The following TAS2R1 variants were observed in gnomAD, a reference collection of about 807,000 sequenced individuals.
TAS2R1 encodes taste 2 receptor member 1, also known as taste receptor type 2 member 1.
For missense variants in TAS2R1, 370 were observed against 353.4 expected, an observed-to-expected ratio of 1.05 and a Z score of -0.38; for synonymous variants, 141 against 134.2, an observed-to-expected ratio of 1.05 and a Z score of -0.35.
In TAS2R1 at chr5:9,654,682, A is replaced by G. The variant is rs529262807; in HGVS notation, c.-81+4739T>C. ...GACAGTATTATATGAACAAGTGGTT[A>G]AGCCACTAGAGAAAGATAAAGTTAG... On this transcript the variant is annotated intron_variant, in intron 2 of 2. Coordinates refer to the TAS2R1 transcript ENST00000506620. 5.3e-5 allele frequency among the ~76,000 whole-genome samples: 8 copies of G among 152,366 alleles called. No individual in the cohort carries two copies. In the East Asian group the frequency reaches 1.5e-3, roughly 29 times the overall value.
the TAS2R1 span, among the ~76,000 whole-genome samples, chr5:9,861,083 T>C: frequency 6.7e-6 from 1 of 148,732 alleles, no homozygotes; most frequent in Non-Finnish European, 1.5e-5. Flanking sequence ...AATAGTGTTT[T>C]AAAAACTTTT....
the TAS2R1 span, among the ~76,000 whole-genome samples, chr5:9,804,212 A>G: frequency 2.6e-5 from 4 of 152,024 alleles, no homozygotes; most frequent in Non-Finnish European, 5.9e-5. Flanking sequence ...ATATATATGC[A>G]CCTAACACTG....
intron 1 of TAS2R1, among the ~76,000 whole-genome samples, chr5:9,711,262 T>G (rs1157740321): frequency 1.3e-5 from 2 of 152,242 alleles, no homozygotes; most frequent in Admixed American, 1.3e-4. Context: ...TGGAAACAAC[T>G]GAAATGTCCA....
At chr5:9,767,445 C>CT in the TAS2R1 span, among the ~76,000 whole-genome samples, 488 of 152,232 alleles carry the variant, frequency 3.2e-3, 4 homozygotes, top group African/African-American at 0.011. Context: ...TGAGTCAAAT[C>CT]TATGTGGCTC....
the TAS2R1 span, among the ~76,000 whole-genome samples, chr5:9,895,996 T>A: frequency 6.6e-6 from 1 of 152,042 alleles, no homozygotes; most frequent in Non-Finnish European, 1.5e-5. Flanking sequence ...CCTCTAAAAT[T>A]TCTATGATGA....
the TAS2R1 span, among the ~76,000 whole-genome samples, chr5:9,897,678 G>A: frequency 4.6e-5 from 7 of 152,072 alleles, no homozygotes; most frequent in African/African-American, 1.7e-4. Flanking sequence ...CCCATTCTTG[G>A]GAGGGTTCTT....
At chr5:9,796,854 A>G in the TAS2R1 span, among the ~76,000 whole-genome samples, 1 of 152,162 alleles carries the variant, frequency 6.6e-6, no homozygotes, top group Non-Finnish European at 1.5e-5. Context: ...TTAAATTAAA[A>G]AGCCCTACTT....
At chr5:9,889,221 C>A in the TAS2R1 span, among the ~76,000 whole-genome samples, 1 of 152,288 alleles carries the variant, frequency 6.6e-6, no homozygotes. Context: ...TTCCTTTACT[C>A]TGAGTGCCCC....
chr5:9,860,100 A>G, the TAS2R1 span, among the ~76,000 whole-genome samples: 134 of 152,328 alleles, frequency 8.8e-4, 2 homozygotes, highest in East Asian at 2.7e-3. Context: ...TAAGGGGAAG[A>G]AGGAGGGGAA....
intron 1 of TAS2R1, among the ~76,000 whole-genome samples, chr5:9,683,464 G>C (rs878963237): frequency 6.6e-6 from 1 of 152,126 alleles, no homozygotes; most frequent in Non-Finnish European, 1.5e-5. Flanking sequence ...CAGAGTCCTC[G>C]AGGCCAGTGG....
At chr5:9,899,188 A>C in the TAS2R1 span, among the ~76,000 whole-genome samples, 1 of 152,202 alleles carries the variant, frequency 6.6e-6, no homozygotes, top group Non-Finnish European at 1.5e-5. Flanking sequence ...TGGAGTCGGC[A>C]CTCAGGATGT....
the TAS2R1 span, among the ~76,000 whole-genome samples, chr5:9,790,573 G>A: frequency 1.3e-5 from 2 of 152,228 alleles, no homozygotes; most frequent in Admixed American, 6.5e-5. Context: ...AAAAAGTATC[G>A]TACAATTAAA....
chr5:9,900,729 T>A, the TAS2R1 span, among the ~76,000 whole-genome samples: 1 of 150,654 alleles, frequency 6.6e-6, no homozygotes, highest in Non-Finnish European at 1.5e-5. Context: ...CATGCCATTC[T>A]CCTGCCTCAG....
At chr5:9,696,890 G>C (rs928312542) in intron 1 of TAS2R1, among the ~76,000 whole-genome samples, 2 of 152,280 alleles carry the variant, frequency 1.3e-5, no homozygotes, top group African/African-American at 4.8e-5. Flanking sequence ...GCACATGCCT[G>C]TAATCCCAGC....
the TAS2R1 span, among the ~76,000 whole-genome samples, chr5:9,845,441 G>C: frequency 1.3e-5 from 2 of 152,204 alleles, no homozygotes; most frequent in African/African-American, 4.8e-5. Context: ...TGTTGCAAGT[G>C]AAAGTAGTTT....
At chr5:9,837,762 A>G in the TAS2R1 span, among the ~76,000 whole-genome samples, 3 of 152,360 alleles carry the variant, frequency 2.0e-5, no homozygotes, top group East Asian at 3.9e-4. Context: ...TGAACAAAAC[A>G]AAAACCCCTG....
At chr5:9,773,797 G>A in the TAS2R1 span, among the ~76,000 whole-genome samples, 1 of 152,124 alleles carries the variant, frequency 6.6e-6, no homozygotes, top group African/African-American at 2.4e-5. Context: ...AAATGTATTA[G>A]AGCTGTATTA....
At chr5:9,889,026 C>A in the TAS2R1 span, among the ~76,000 whole-genome samples, 1 of 152,222 alleles carries the variant, frequency 6.6e-6, no homozygotes. Flanking sequence ...AGTTTGCACT[C>A]CCAGTAATGG....
At chr5:9,899,561 C>T in the TAS2R1 span, among the ~76,000 whole-genome samples, 3 of 151,026 alleles carry the variant, frequency 2.0e-5, no homozygotes, top group South Asian at 2.1e-4. Context: ...TGCTTGAACC[C>T]GGGAGGTGGA....
Sources: allele counts gnomAD v4.1 joint callset (sites outside exome capture counted in the v4.1 genomes callset), GRCh38; gene constraint gnomAD v4.1.1; transcripts MANE v1.5; gene names NCBI Gene and HGNC (gene_info 2026-07-23, HGNC 2026-07-21).